GBE1: variants seen among roughly 807,000 people sequenced by gnomAD.
GBE1 encodes the protein 1,4-alpha-glucan-branching enzyme.
In GBE1, 70 loss-of-function variants were observed where a neutral mutation model predicts 88.8. The ratio of observed to expected loss-of-function variants is 0.79; its 90% CI spans 0.65 to 0.96. The LOEUF is 0.96. GBE1 is among the 40% of genes least tolerant of loss of function. The pLI, the probability that GBE1 is intolerant of heterozygous loss-of-function variation, is 0.00. For synonymous variants in GBE1, 284 were observed against 300.1 expected (o/e 0.95, Z 0.56); for missense variants, 872 against 871.0 (o/e 1.00, Z -0.01).
chr3:81,647,587 A>C (rs1429440216), intron 5 of GBE1, among the ~76,000 whole-genome samples: 1 of 152,172 alleles, frequency 6.6e-6, no homozygotes, highest in Non-Finnish European at 1.5e-5. Context: ...AAATGTTCGA[A>C]TATGATTTCA....
At chr3:81,506,778 T>C (rs1279515382) in intron 14 of GBE1, among the ~76,000 whole-genome samples, 1 of 152,174 alleles carries the variant, frequency 6.6e-6, no homozygotes, top group Non-Finnish European at 1.5e-5. Flanking sequence ...GGGACATGAA[T>C]GGAGCTGGAG....
At chr3:81,560,161 TAC>T (rs1227270108) in intron 12 of GBE1, among the ~76,000 whole-genome samples, 1 of 151,980 alleles carries the variant, frequency 6.6e-6, no homozygotes, top group Non-Finnish European at 1.5e-5. Flanking sequence ...ACCACAATTT[TAC>T]AGTCTATAGG....
At chr3:81,578,445 A>T (rs1703678486) in intron 11 of GBE1, among the ~76,000 whole-genome samples, 1 of 151,650 alleles carries the variant, frequency 6.6e-6, no homozygotes, top group Non-Finnish European at 1.5e-5. Flanking sequence ...ATAGATTTTT[A>T]AAATAGATTG....
intron 12 of GBE1, among the ~76,000 whole-genome samples, chr3:81,575,330 A>C (rs1455282180): frequency 6.6e-6 from 1 of 152,162 alleles, no homozygotes; most frequent in Admixed American, 6.5e-5. Flanking sequence ...CAAATCAAAA[A>C]AGCATAGTAA....
At chr3:81,726,795 T>C (rs1706118130) in intron 1 of GBE1, among the ~76,000 whole-genome samples, 2 of 152,260 alleles carry the variant, frequency 1.3e-5, no homozygotes, top group Non-Finnish European at 1.5e-5. Flanking sequence ...CTGGCCAGGC[T>C]GGTCTCGGAC....
chr3:81,761,332 C>A, intron 1 of GBE1, 43 bp downstream of exon 1: 1 of 1,571,136 alleles, frequency 6.4e-7, no homozygotes, highest in Non-Finnish European at 8.7e-7. Flanking sequence ...TCCTGGGAGG[C>A]GGGCTGCCTG....
At chr3:81,711,412 A>G (rs1354637718) in intron 1 of GBE1, among the ~76,000 whole-genome samples, 2 of 152,172 alleles carry the variant, frequency 1.3e-5, no homozygotes, top group Non-Finnish European at 2.9e-5. Flanking sequence ...TTGGAAGGGT[A>G]AAAAAGCTCT....
At chr3:81,530,527 T>A (rs897165663) in intron 14 of GBE1, among the ~76,000 whole-genome samples, 1 of 152,012 alleles carries the variant, frequency 6.6e-6, no homozygotes, top group African/African-American at 2.4e-5. Flanking sequence ...CTTTGGTCAT[T>A]GCAGTGGTAT....
chr3:81,649,321 T>C (rs556862195), intron 4 of GBE1, among the ~76,000 whole-genome samples: 2 of 152,192 alleles, frequency 1.3e-5, no homozygotes, highest in Admixed American at 6.5e-5. Flanking sequence ...CAAACTCCAA[T>C]GATTTAAAAG....
rs534298479 is a variant in GBE1 at position 81,612,684 on chromosome 3, T to C, written c.993-18661A>G. On this transcript the variant is annotated intron_variant, in intron 7 of 15. Coordinates refer to ENST00000429644, the MANE Select transcript of GBE1 (RefSeq NM_000158.4). ...ATCTCCTCACATTAAGTCTATTTCA[T>C]TTTGTACTTCATCACTGTGTTCAAT... The C allele has an allele frequency of 2.9e-4, 155 of 532,606 alleles. 1 individual carries two copies. In the Middle Eastern group the frequency reaches 5.3e-3, roughly 18 times the overall value. The allele number at this position is 532,606 out of a possible 1,614,324, so 33.0% of individuals were successfully genotyped here.
chr3:81,739,338 G>T (rs1296529438), intron 1 of GBE1, among the ~76,000 whole-genome samples: 1 of 152,056 alleles, frequency 6.6e-6, no homozygotes, highest in Non-Finnish European at 1.5e-5. Context: ...TATATGTAAA[G>T]CAAAATATTT....
Position 81,586,140 on chromosome 3 carries a change from A to AC in GBE1, c.1286dup (p.Gly430TrpfsTer3). On this transcript the variant is annotated frameshift_variant, in exon 10 of 16. Coordinates refer to ENST00000429644, the MANE Select transcript of GBE1 (RefSeq NM_000158.4). LOFTEE classifies it high-confidence loss of function. ...CCATGGCTAGTCGATAGTCAAAACC[A>AC]CCCCCTCCCTGGGAAATTGGAGAGC... The AC allele has an allele frequency of 6.2e-7, 1 of 1,609,128 alleles. No homozygotes were observed. The highest frequency in any genetic ancestry group is 2.2e-5 in the East Asian group (1 of 44,552).
rs763217252 is a variant in GBE1, at chr3:81,591,064, C to T, written c.1209G>A (p.Leu403=). 80 of 1,609,476 alleles carry T rather than the reference C, an allele frequency of 5.0e-5. No homozygotes were observed. The highest frequency in any genetic ancestry group is 6.1e-5 in the Non-Finnish European group (72 of 1,177,592). ...LMLANHLVHT[L]CPDSITIAED... ...CAGCTATTGTTATAGAATCGGGACACAGCGTGTGAACCAAATGATTTGCCA... is the reference window on the plus strand; with the variant it reads ...CAGCTATTGTTATAGAATCGGGACATAGCGTGTGAACCAAATGATTTGCCA... The change falls in exon 9 of 16, where the codon CTG becomes CTA. Residue 403 remains leucine (L), a synonymous_variant. Coordinates refer to ENST00000429644, the MANE Select transcript of GBE1 (RefSeq NM_000158.4).
intron 15 of GBE1, 42 bp from the exon 16 acceptor site, chr3:81,490,505 C>T: frequency 6.7e-7 from 1 of 1,485,524 alleles, no homozygotes; most frequent in Non-Finnish European, 9.4e-7. Context: ...AAGAAAGTAC[C>T]AAACGGCCTG....
intron 12 of GBE1, among the ~76,000 whole-genome samples, chr3:81,538,196 A>G (rs1401651904): frequency 6.6e-6 from 1 of 152,120 alleles, no homozygotes; most frequent in East Asian, 1.9e-4. Context: ...ATCATAGCCA[A>G]TACAAACGTA....
At position 81,581,158 on chromosome 3, in the gene GBE1, C is replaced by A. The variant is rs1181307533; in HGVS notation, c.1446+7G>T. The A allele has an allele frequency of 2.6e-6, 4 of 1,548,654 alleles. No homozygotes were observed. The East Asian group carries it at 9.0e-5, about 35-fold the overall frequency. ...AAATAAATGAATTTATGCACATATTCATTTACCTGATCATGGCTCTCTGCA... is the reference window on the plus strand; with the variant it reads ...AAATAAATGAATTTATGCACATATTAATTTACCTGATCATGGCTCTCTGCA... On this transcript the variant is annotated splice_region_variant and intron_variant, in intron 11 of 15. Transcript: ENST00000429644.
intron 3 of GBE1, among the ~76,000 whole-genome samples, chr3:81,669,632 A>C (rs1705161138): frequency 6.6e-6 from 1 of 151,772 alleles, no homozygotes; most frequent in Non-Finnish European, 1.5e-5. Context: ...AGGAAAAAAA[A>C]AACACACACA....
At chr3:81,666,037 A>C (rs1705110166) in intron 3 of GBE1, among the ~76,000 whole-genome samples, 1 of 152,092 alleles carries the variant, frequency 6.6e-6, no homozygotes, top group African/African-American at 2.4e-5. Flanking sequence ...TGTAGACATC[A>C]CTCTTATTAG....
At chr3:81,496,747 T>C (rs548918320) in intron 15 of GBE1, among the ~76,000 whole-genome samples, 4 of 152,316 alleles carry the variant, frequency 2.6e-5, no homozygotes, top group African/African-American at 9.6e-5. Context: ...CTGAATAACT[T>C]AGGTAAAAAG....
Sources: gnomAD v4.1 joint callset for allele counts (sites outside exome capture counted in the v4.1 genomes callset) on GRCh38, gnomAD v4.1.1 for gene constraint, MANE v1.5 for transcripts, NCBI Gene and HGNC (gene_info 2026-07-23, HGNC 2026-07-21) for gene names.